Variants in PCDHA12 observed in about 807,000 individuals in gnomAD.
The protein encoded by PCDHA12 is protocadherin alpha 12.
A neutral mutation model predicts 60.0 loss-of-function variants in PCDHA12; 44 were observed. The observed-to-expected ratio is 0.73, with a 90% CI of 0.58 to 0.94. PCDHA12 has a LOEUF of 0.94. Ranked by LOEUF, PCDHA12 falls within the 40% of genes least tolerant of loss-of-function variation. The pLI is 0.00. For missense variants in PCDHA12, 1,276 were observed against 1,239.7 expected (o/e 1.03, Z -0.44); for synonymous variants, 569 against 553.0 (o/e 1.03, Z -0.40).
At chr5:140,942,907 C>T (rs990206907) in intron 1 of PCDHA12, among the ~76,000 whole-genome samples, 14 of 151,044 alleles carry the variant, frequency 9.3e-5, no homozygotes, top group Non-Finnish European at 1.6e-4. Flanking sequence ...TAAGAATAAG[C>T]GTGAAGAAAA....
intron 3 of PCDHA12, among the ~76,000 whole-genome samples, chr5:140,986,050 T>G (rs1221001446): frequency 6.6e-6 from 1 of 152,226 alleles, no homozygotes; most frequent in Non-Finnish European, 1.5e-5. Flanking sequence ...CACTGATGAA[T>G]TCTTTTGCTT....
intron 1 of PCDHA12, among the ~76,000 whole-genome samples, chr5:140,891,366 T>C (rs1261887556): frequency 6.6e-6 from 1 of 152,168 alleles, no homozygotes; most frequent in Non-Finnish European, 1.5e-5. Flanking sequence ...CTGAGCAGTA[T>C]ACATTGCACC....
At chr5:140,967,072 C>T in intron 1 of PCDHA12, 1 of 1,613,106 alleles carries the variant, frequency 6.2e-7, no homozygotes, top group Non-Finnish European at 8.5e-7. Flanking sequence ...TCTTCGTCAA[C>T]GAGCGCATTG....
At chr5:140,917,324 C>CGGG (rs1299895515) in intron 1 of PCDHA12, among the ~76,000 whole-genome samples, 10 of 76,182 alleles carry the variant, frequency 1.3e-4, no homozygotes, top group South Asian at 4.5e-4. Flanking sequence ...GTTCATGTGG[C>CGGG]GGGGGAGGGG....
chr5:140,936,272 C>T lies in PCDHA12; in HGVS notation c.2368-42677C>T, dbSNP rs1303356923. 2.0e-5 allele frequency among the ~76,000 whole-genome samples: 3 copies of T among 152,254 alleles called. No individual in the cohort carries two copies. In the East Asian group the frequency reaches 5.8e-4, roughly 29 times the overall value. On this transcript the variant is annotated intron_variant, in intron 1 of 3. Transcript: ENST00000398631. Reference sequence around the variant, plus strand: ...TGCTTCAAGTCATGAAGATATATTCCTGTGTTTTCTTCTATAACATTGCTA... The same window carrying T: ...TGCTTCAAGTCATGAAGATATATTCTTGTGTTTTCTTCTATAACATTGCTA...
Position 140,883,458 on chromosome 5 carries a change from T to G in PCDHA12, c.2367+5619T>G, listed in dbSNP as rs1315500498. ...TTGACGCCGCATGTCCCCTTCAAGC[T>G]GGTGTCCACCTACAAGAACTACTAC... On this transcript the variant is annotated intron_variant, in intron 1 of 3. Coordinates refer to ENST00000398631, the MANE Select transcript of PCDHA12 (RefSeq NM_018903.4). 13 of 1,614,058 alleles carry G rather than the reference T, an allele frequency of 8.1e-6. No individual in the cohort carries two copies. Among genetic ancestry groups the G allele is most frequent in the Non-Finnish European group, 1.1e-5 (13 of 1,180,042 alleles).
chr5:140,934,262 TAATC>T (rs1554209807), intron 1 of PCDHA12, among the ~76,000 whole-genome samples: 1 of 152,136 alleles, frequency 6.6e-6, no homozygotes, highest in Non-Finnish European at 1.5e-5. Flanking sequence ...AAATTAATAA[TAATC>T]AGTGCTTCAT....
chr5:140,975,591 G>A (rs1421434713), intron 1 of PCDHA12, among the ~76,000 whole-genome samples: 1 of 152,198 alleles, frequency 6.6e-6, no homozygotes, highest in African/African-American at 2.4e-5. Flanking sequence ...GTCCCAGAGG[G>A]CAATTTGTTG....
chr5:141,002,689 T>C (rs2098092113), intron 3 of PCDHA12, among the ~76,000 whole-genome samples: 1 of 152,186 alleles, frequency 6.6e-6, no homozygotes, highest in African/African-American at 2.4e-5. Context: ...GACGTGCAGA[T>C]TTGTTTAACT....
chr5:140,915,918 T>A (rs1295505621), intron 1 of PCDHA12, among the ~76,000 whole-genome samples: 1 of 152,188 alleles, frequency 6.6e-6, no homozygotes, highest in Admixed American at 6.5e-5. Flanking sequence ...CCAGAGATGC[T>A]ACTTGGGAGT....
In PCDHA12 at chr5:141,010,583, G is replaced by A. The variant is rs1186884021; in HGVS notation, c.*646G>A. The A allele has an allele frequency of 4.1e-5, 10 of 242,992 alleles. No individual in the cohort carries two copies. The highest frequency in any genetic ancestry group is 3.6e-4 in the Admixed American group (7 of 19,606). 15.1% of individuals were successfully genotyped at this position (242,992 alleles called of 1,614,324 possible). A position where few individuals can be genotyped will look rare whatever the true frequency, so the allele number is the denominator to read the frequency against. The stretch of plus-strand genomic sequence containing the variant: ...TGACAAGGCTTTAGGAGACCCTAAA[G>A]TCTGTTGGCTGTGACGTCATTATAC... On this transcript the variant is annotated 3_prime_UTR_variant, in exon 4 of 4. Coordinates refer to ENST00000398631, the MANE Select transcript of PCDHA12 (RefSeq NM_018903.4).
intron 1 of PCDHA12, chr5:140,927,896 A>T: frequency 1.2e-6 from 2 of 1,614,200 alleles, no homozygotes; most frequent in Non-Finnish European, 1.7e-6. Flanking sequence ...GACGTGAACG[A>T]TCATGCCCCC....
intron 1 of PCDHA12, among the ~76,000 whole-genome samples, chr5:140,894,258 G>T (rs2153446538): frequency 6.6e-6 from 1 of 151,918 alleles, no homozygotes; most frequent in South Asian, 2.1e-4. Flanking sequence ...TTCTTTACAA[G>T]TGGTAGCTTA....
chr5:140,910,737 G>A (rs1405978966), intron 1 of PCDHA12, among the ~76,000 whole-genome samples: 2 of 152,008 alleles, frequency 1.3e-5, no homozygotes, highest in African/African-American at 4.8e-5. Context: ...AGCTAACCAA[G>A]CACATAAATT....
intron 3 of PCDHA12, among the ~76,000 whole-genome samples, chr5:140,984,789 A>G (rs2097121266): frequency 6.6e-6 from 1 of 152,202 alleles, no homozygotes; most frequent in African/African-American, 2.4e-5. Context: ...GGGTGAGCAT[A>G]GACAAACTGC....
chr5:140,957,954 T>G (rs2095401085), intron 1 of PCDHA12, among the ~76,000 whole-genome samples: 2 of 152,138 alleles, frequency 1.3e-5, no homozygotes, highest in Admixed American at 1.3e-4. Context: ...TTAAGACTAT[T>G]AATTCAGAGA....
At chr5:140,971,038 A>G (rs948457676) in intron 1 of PCDHA12, among the ~76,000 whole-genome samples, 4 of 152,216 alleles carry the variant, frequency 2.6e-5, no homozygotes, top group Non-Finnish European at 5.9e-5. Context: ...GAAAGCACGT[A>G]AAAGGGTTTA....
intron 1 of PCDHA12, chr5:140,967,906 C>T (rs529421659): frequency 1.2e-6 from 2 of 1,614,208 alleles, no homozygotes; most frequent in Non-Finnish European, 1.7e-6. Context: ...ATGCTACACC[C>T]AACACCATTG....
rs782603246 is a variant in PCDHA12, at chr5:140,883,847, G to T, written c.2367+6008G>T. On this transcript the variant is annotated intron_variant, in intron 1 of 3. Transcript: ENST00000398631. ...CGCGCTGCAGCCGTTGGACCACGAGGAGCTGGAGCTGTTGCAGTTCCAGGT... is the reference window on the plus strand; with the variant it reads ...CGCGCTGCAGCCGTTGGACCACGAGTAGCTGGAGCTGTTGCAGTTCCAGGT... 4.3e-6 allele frequency: 7 copies of T among 1,612,760 alleles called. No individual in the cohort carries two copies. The East Asian group carries it at 1.3e-4, about 31-fold the overall frequency.
Sources: allele counts gnomAD v4.1 joint callset (sites outside exome capture counted in the v4.1 genomes callset), GRCh38; gene constraint gnomAD v4.1.1; transcripts MANE v1.5; gene names NCBI Gene and HGNC (gene_info 2026-07-23, HGNC 2026-07-21).